The following SCUBE1 variants were observed in gnomAD, a reference collection of about 807,000 sequenced individuals.
SCUBE1 encodes signal peptide, CUB and EGF-like domain-containing protein 1.
Under a neutral mutation model 124.4 loss-of-function variants are expected in SCUBE1, and 59 were observed. That is an observed-to-expected ratio of 0.47 (90% CI 0.38 to 0.59). The LOEUF is 0.59. SCUBE1 is among the 20% of genes least tolerant of loss of function. The pLI is 0.00. For missense variants in SCUBE1, 1,150 were observed against 1,371.2 expected, an observed-to-expected ratio of 0.84 and a Z score of 2.55; for synonymous variants, 545 against 550.9, an observed-to-expected ratio of 0.99 and a Z score of 0.15.
In SCUBE1 at chr22:43,220,574, C is replaced by T. The variant is rs202022056; in HGVS notation, c.1563G>A (p.Val521=). 72 of 1,613,888 alleles carry T rather than the reference C, an allele frequency of 4.5e-5. No individual in the cohort carries two copies. The East Asian group carries it at 1.1e-3, about 25-fold the overall frequency. The change falls in exon 14 of 22, where the codon GTG becomes GTA. Residue 521 remains valine, a synonymous_variant. Transcript: ENST00000360835. ...AGTCACACTTGAGGGTCACGAAAGT[C>T]ACATGGCAGTGGTCTGGACGAGGAA... is the stretch of plus-strand genomic sequence containing the variant. ...ARQPLLDHCH[V]TFVTLKCDSS...
At chr22:43,238,443 A>C in intron 7 of SCUBE1, 1 of 510,050 alleles carries the variant, frequency 2.0e-6, no homozygotes, top group Non-Finnish European at 3.5e-6. Context: ...ACTGCAACCA[A>C]AGGTCAAGGG....
chr22:43,217,978 G>C (rs928818220), intron 15 of SCUBE1, among the ~76,000 whole-genome samples: 1 of 152,160 alleles, frequency 6.6e-6, no homozygotes, highest in Non-Finnish European at 1.5e-5. Flanking sequence ...TCTGGTTCCC[G>C]TGCCCCCTCG....
In SCUBE1 at chr22:43,210,786, G is replaced by A. The variant is rs183465999; in HGVS notation, c.2383+136C>T. 3.0e-5 allele frequency: 32 copies of A among 1,082,884 alleles called. No individual in the cohort carries two copies. Among genetic ancestry groups the A allele is most frequent in the Middle Eastern group, 3.0e-4 (1 of 3,374 alleles). 67.1% of individuals were successfully genotyped at this position (1,082,884 alleles called of 1,614,324 possible). ...GCCTCCAGATGGATGCAATGCACCC[G>A]AGAGCAGACGGGACGGAGCGGGAGG... On this transcript the variant is annotated intron_variant, in intron 18 of 21. Coordinates refer to ENST00000360835, the MANE Select transcript of SCUBE1 (RefSeq NM_173050.5). This position sits in a 1 kb window ranked among gnomAD's most constrained non-coding sequence, Gnocchi z 4.5.
intron 7 of SCUBE1, chr22:43,232,160 A>G: frequency 2.5e-6 from 1 of 401,872 alleles, no homozygotes; most frequent in Non-Finnish European, 4.7e-6. Context: ...GTAGAGAGGA[A>G]CTGATGGCTG....
At chr22:43,262,487 C>T (rs1478874181) in intron 5 of SCUBE1, among the ~76,000 whole-genome samples, 1 of 152,222 alleles carries the variant, frequency 6.6e-6, no homozygotes. Context: ...TCCAGCCCAG[C>T]TCCTGGGGCT....
Position 43,211,098 on chromosome 22 carries a change from A to G in SCUBE1, c.2222-15T>C. On this transcript the variant is annotated splice_polypyrimidine_tract_variant and intron_variant, in intron 17 of 21. Coordinates refer to ENST00000360835, the MANE Select transcript of SCUBE1 (RefSeq NM_173050.5). This position sits in a 1 kb window ranked among gnomAD's most constrained non-coding sequence, Gnocchi z 4.5. ...GGAGCAGTGCACTGCCGGGGGACAC[A>G]AGGCAGTGTGGTGGGTGTGGAGGGG... is the stretch of plus-strand genomic sequence containing the variant. 4 of 1,600,778 alleles carry G rather than the reference A, an allele frequency of 2.5e-6. No homozygotes were observed. The highest frequency in any genetic ancestry group is 3.4e-6 in the Non-Finnish European group (4 of 1,173,366).
chr22:43,277,380 C>T (rs953304770), intron 4 of SCUBE1, among the ~76,000 whole-genome samples: 10 of 152,266 alleles, frequency 6.6e-5, no homozygotes, highest in East Asian at 1.9e-4. Context: ...AGAAGGCTTG[C>T]GGGGCAGGGA....
intron 15 of SCUBE1, among the ~76,000 whole-genome samples, chr22:43,216,159 G>C (rs1921801334): frequency 1.3e-5 from 2 of 151,892 alleles, no homozygotes; most frequent in African/African-American, 2.4e-5. Flanking sequence ...TGACTCTCCT[G>C]TCTCAGCCTC....
intron 2 of SCUBE1, among the ~76,000 whole-genome samples, chr22:43,335,910 A>T (rs1470747182): frequency 1.3e-5 from 2 of 150,960 alleles, no homozygotes; most frequent in Admixed American, 6.6e-5. Context: ...GATGATAATG[A>T]TGATGGTGAT....
intron 4 of SCUBE1, among the ~76,000 whole-genome samples, chr22:43,280,517 G>GTCCCTTCCCCTCACCCATCCCC (rs1924750678): frequency 3.0e-5 from 1 of 33,120 alleles, no homozygotes; most frequent in African/African-American, 1.8e-4. Flanking sequence ...CACCCATCCT[G>GTCCCTTCCCCTCACCCATCCCC]CTGTCCCTTC....
At chr22:43,342,800 G>GCCCGC (rs1356509138) in intron 1 of SCUBE1, among the ~76,000 whole-genome samples, 3 of 133,816 alleles carry the variant, frequency 2.2e-5, no homozygotes, top group Non-Finnish European at 4.9e-5. Flanking sequence ...GTCCCCCTCC[G>GCCCGC]CCCGCCCCGC....
chr22:43,338,637 T>C (rs1045063826), intron 2 of SCUBE1, among the ~76,000 whole-genome samples: 35 of 152,256 alleles, frequency 2.3e-4, no homozygotes, highest in Middle Eastern at 3.4e-3. Context: ...GTGATTCTCC[T>C]GCCTCAGCTT....
At chr22:43,214,047 G>GGGGGGC in intron 16 of SCUBE1, 43 bp downstream of exon 16, 1 of 143,440 alleles carries the variant, frequency 7.0e-6, no homozygotes, top group Non-Finnish European at 1.3e-5. Flanking sequence ...AGGAGCCCCC[G>GGGGGGC]CCCACCCCCC....
chr22:43,302,192 C>T (rs1314981214), intron 3 of SCUBE1, among the ~76,000 whole-genome samples: 1 of 152,248 alleles, frequency 6.6e-6, no homozygotes, highest in African/African-American at 2.4e-5. Context: ...GGTACCCTCA[C>T]AGTCATTGCC....
chr22:43,210,876 C>A lies in SCUBE1; in HGVS notation c.2383+46G>T. 1 of 1,609,352 alleles carries A rather than the reference C, an allele frequency of 6.2e-7. No homozygotes were observed. Among genetic ancestry groups the A allele is most frequent in the Non-Finnish European group, 8.5e-7 (1 of 1,176,680 alleles). On this transcript the variant is annotated intron_variant, in intron 18 of 21. Coordinates refer to ENST00000360835, the MANE Select transcript of SCUBE1 (RefSeq NM_173050.5). This position sits in a 1 kb window ranked among gnomAD's most constrained non-coding sequence, Gnocchi z 4.5. Reference sequence around the variant, plus strand: ...CCTCCCGCCCCCACAACCTGCCCAGCCCCTCCCGTGTTCCCAGCTTCCCAC... The same window carrying A: ...CCTCCCGCCCCCACAACCTGCCCAGACCCTCCCGTGTTCCCAGCTTCCCAC...
chr22:43,247,189 A>T (rs895675143), intron 6 of SCUBE1, among the ~76,000 whole-genome samples: 1 of 152,208 alleles, frequency 6.6e-6, no homozygotes, highest in African/African-American at 2.4e-5. Context: ...GAAAGGATGG[A>T]AAGTGGCTGA....
intron 2 of SCUBE1, among the ~76,000 whole-genome samples, chr22:43,327,255 C>T (rs944851765): frequency 1.3e-5 from 2 of 152,148 alleles, no homozygotes; most frequent in African/African-American, 4.8e-5. Context: ...CCTCAGATCA[C>T]ACAGCAAATG....
chr22:43,329,749 T>G (rs1052428642), intron 2 of SCUBE1, among the ~76,000 whole-genome samples: 1 of 152,268 alleles, frequency 6.6e-6, no homozygotes, highest in African/African-American at 2.4e-5. Context: ...TGAGACCTCC[T>G]GACCTTGCCC....
intron 3 of SCUBE1, among the ~76,000 whole-genome samples, chr22:43,300,819 C>T (rs1249586154): frequency 6.6e-6 from 1 of 151,984 alleles, no homozygotes; most frequent in Non-Finnish European, 1.5e-5. Context: ...TCGCACTGTC[C>T]CTTGGCTACC....
Sources: gnomAD v4.1 joint callset for allele counts (sites outside exome capture counted in the v4.1 genomes callset) on GRCh38, gnomAD v4.1.1 for gene constraint, Gnocchi (gnomAD v3.1) non-coding constraint, MANE v1.5 for transcripts, NCBI Gene and HGNC (gene_info 2026-07-23, HGNC 2026-07-21) for gene names.